Variants in CTIF observed in about 807,000 individuals in gnomAD.
The protein encoded by CTIF is cap binding complex dependent translation initiation factor, also known as CBP80/20-dependent translation initiation factor.
Under a neutral mutation model 66.0 loss-of-function variants are expected in CTIF, and 21 were observed. The observed-to-expected ratio is 0.32, with a 90% CI of 0.23 to 0.46. The LOEUF (loss-of-function observed/expected upper bound fraction) is 0.46, where lower values mean the gene tolerates loss of function less well. CTIF is among the 20% of genes least tolerant of loss of function. CTIF has a pLI of 1.00. For synonymous variants in CTIF, 345 were observed against 326.4 expected, an observed-to-expected ratio of 1.06 and a Z score of -0.62; for missense variants, 739 against 812.7, an observed-to-expected ratio of 0.91 and a Z score of 1.10.
At chr18:48,662,352 A>C (rs1349059717) in intron 3 of CTIF, 1 of 108,984 alleles carries the variant, frequency 9.2e-6, no homozygotes, top group Admixed American at 1.0e-4. Context: ...GGAATGAGGA[A>C]GTTTCAAGTT....
At chr18:48,705,182 A>G (rs1420788677) in intron 6 of CTIF, among the ~76,000 whole-genome samples, 2 of 152,196 alleles carry the variant, frequency 1.3e-5, no homozygotes, top group African/African-American at 4.8e-5. Context: ...ACAGCAGTGC[A>G]TCATCTCACA....
chr18:48,605,772 C>G (rs1390340342), intron 1 of CTIF, among the ~76,000 whole-genome samples: 1 of 151,796 alleles, frequency 6.6e-6, no homozygotes, highest in Non-Finnish European at 1.5e-5. Context: ...GGAGGGAGCC[C>G]ACAGTCCTCC....
intron 3 of CTIF, among the ~76,000 whole-genome samples, chr18:48,658,695 T>C (rs540700272): frequency 1.2e-4 from 18 of 152,118 alleles, no homozygotes; most frequent in Non-Finnish European, 2.5e-4. Flanking sequence ...GTGTGTAGTA[T>C]TGTGTATATA....
At chr18:48,573,479 C>T (rs1301201153) in intron 1 of CTIF, among the ~76,000 whole-genome samples, 2 of 152,180 alleles carry the variant, frequency 1.3e-5, no homozygotes, top group Admixed American at 6.5e-5. Context: ...TGTAATGTTG[C>T]ACTGATGTAC....
At chr18:48,702,141 G>C (rs561570390) in intron 6 of CTIF, among the ~76,000 whole-genome samples, 1 of 152,280 alleles carries the variant, frequency 6.6e-6, no homozygotes, top group African/African-American at 2.4e-5. Flanking sequence ...GCTAGGATCC[G>C]GGTCACCCAA....
intron 11 of CTIF, among the ~76,000 whole-genome samples, chr18:48,858,931 G>A (rs1025114051): frequency 6.6e-6 from 1 of 152,194 alleles, no homozygotes; most frequent in Non-Finnish European, 1.5e-5. Flanking sequence ...TTGCCAGAGA[G>A]ACGCCCCAGC....
chr18:48,827,098 G>GC (rs1186416490), intron 10 of CTIF, among the ~76,000 whole-genome samples: 5 of 152,166 alleles, frequency 3.3e-5, no homozygotes, highest in Non-Finnish European at 5.9e-5. Context: ...CGATGAGCGA[G>GC]CCGTGGCCAG....
At chr18:48,758,520 A>G (rs1177644208) in intron 8 of CTIF, 115 bp downstream of exon 8, 5 of 1,319,844 alleles carry the variant, frequency 3.8e-6, no homozygotes, top group East Asian at 4.6e-5. Flanking sequence ...CTAGGGAGCC[A>G]TGTACAGGGA....
intron 1 of CTIF, among the ~76,000 whole-genome samples, chr18:48,616,470 A>C (rs2090402124): frequency 6.6e-6 from 1 of 152,176 alleles, no homozygotes. Flanking sequence ...TGAGGGACTG[A>C]GCAGGCCACC....
rs566551361 is a variant in CTIF, at chr18:48,608,209, C to T, written c.-28-11329C>T. Reference sequence around the variant, plus strand: ...AGAGAACTGGGGTTGATTGCCTGGTCTGAAGGGGACAGCACTTCTTAGCTC... The same window carrying T: ...AGAGAACTGGGGTTGATTGCCTGGTTTGAAGGGGACAGCACTTCTTAGCTC... On this transcript the variant is annotated intron_variant, in intron 1 of 11. Coordinates refer to ENST00000256413, the MANE Select transcript of CTIF (RefSeq NM_014772.3). 2.8e-4 allele frequency among the ~76,000 whole-genome samples: 43 copies of T among 152,270 alleles called. 1 individual carries two copies. In the South Asian group the frequency reaches 6.2e-3, roughly 22 times the overall value.
intron 7 of CTIF, among the ~76,000 whole-genome samples, chr18:48,718,628 G>A (rs558916803): frequency 2.0e-5 from 3 of 152,208 alleles, no homozygotes; most frequent in East Asian, 1.9e-4. Context: ...GGCCCTTGGC[G>A]GATTGGATGG....
chr18:48,771,431 G>C (rs981534411), intron 9 of CTIF, among the ~76,000 whole-genome samples: 3 of 152,194 alleles, frequency 2.0e-5, no homozygotes, highest in African/African-American at 7.2e-5. Context: ...AGCCACAAAA[G>C]GGAATGGCCT....
At chr18:48,629,328 A>AT (rs1300576408) in intron 2 of CTIF, among the ~76,000 whole-genome samples, 15 of 152,386 alleles carry the variant, frequency 9.8e-5, no homozygotes, top group Middle Eastern at 3.4e-3. Context: ...TCAAATATAC[A>AT]TAGAAATTAC....
At chr18:48,805,651 C>A (rs1221627696) in intron 9 of CTIF, among the ~76,000 whole-genome samples, 1 of 152,200 alleles carries the variant, frequency 6.6e-6, no homozygotes. Flanking sequence ...ATGTTACCCA[C>A]AAAAGTGAAA....
intron 10 of CTIF, among the ~76,000 whole-genome samples, chr18:48,832,926 G>A (rs909563172): frequency 6.6e-6 from 1 of 152,242 alleles, no homozygotes; most frequent in African/African-American, 2.4e-5. Context: ...GTCAGGAAGT[G>A]CTGAGTCTGG....
At chr18:48,673,101 C>T (rs2091563378) in intron 6 of CTIF, among the ~76,000 whole-genome samples, 1 of 152,160 alleles carries the variant, frequency 6.6e-6, no homozygotes, top group South Asian at 2.1e-4. Context: ...CCCAGAGCCC[C>T]TGCCCCCATC....
In CTIF at chr18:48,546,287, G is replaced by A. The variant is rs565660441; in HGVS notation, c.-29+6975G>A. On this transcript the variant is annotated intron_variant, in intron 1 of 11. Coordinates refer to ENST00000256413, the MANE Select transcript of CTIF (RefSeq NM_014772.3). ...TTTGCATGTTTGAATTCTCAGAACC[G>A]ACAATAGTGCCTGGCACATTGTAAG... Among the ~76,000 whole-genome samples the A allele has an allele frequency of 6.8e-4, 104 of 152,266 alleles. 1 individual carries two copies. Among genetic ancestry groups the A allele is most frequent in the Middle Eastern group, 3.4e-3 (1 of 294 alleles).
intron 6 of CTIF, among the ~76,000 whole-genome samples, chr18:48,689,720 A>T (rs2091898876): frequency 6.6e-6 from 1 of 152,198 alleles, no homozygotes; most frequent in African/African-American, 2.4e-5. Flanking sequence ...TGTGAGTCAG[A>T]GGTCACTGTA....
chr18:48,741,504 A>G (rs1481060859), intron 7 of CTIF, among the ~76,000 whole-genome samples: 3 of 145,938 alleles, frequency 2.1e-5, no homozygotes, highest in Admixed American at 7.0e-5. Flanking sequence ...GCTCACTGCA[A>G]CCTCCGCCCC....
Sources: allele counts gnomAD v4.1 joint callset (sites outside exome capture counted in the v4.1 genomes callset), GRCh38; gene constraint gnomAD v4.1.1; transcripts MANE v1.5; gene names NCBI Gene and HGNC (gene_info 2026-07-23, HGNC 2026-07-21).